The following ARSG variants were observed in gnomAD, a reference collection of about 807,000 sequenced individuals.
ARSG encodes arylsulfatase G.
Under a neutral mutation model 50.5 loss-of-function variants are expected in ARSG, and 37 were observed. The ratio of observed to expected loss-of-function variants is 0.73; its 90% confidence interval spans 0.56 to 0.96. ARSG has a LOEUF of 0.96. Among genes scored for constraint, ARSG ranks in the 50% least tolerant of loss-of-function variants. ARSG has a pLI of 0.00. For missense variants in ARSG, 629 were observed against 675.3 expected, an observed-to-expected ratio of 0.93 and a Z score of 0.76; for synonymous variants, 225 against 254.6, an observed-to-expected ratio of 0.88 and a Z score of 1.11.
intron 6 of ARSG, among the ~76,000 whole-genome samples, chr17:68,361,422 G>A (rs563593358): frequency 1.3e-5 from 2 of 152,188 alleles, no homozygotes; most frequent in Admixed American, 1.3e-4. Context: ...TCTAGAACTG[G>A]GAGACGTAAA....
chr17:68,430,175 A>T, the ARSG span: 1 of 1,606,268 alleles, frequency 6.2e-7, no homozygotes, highest in Admixed American at 1.7e-5. Flanking sequence ...GGAGTAATGC[A>T]CAGGCAACGA....
At chr17:68,402,040 T>C (rs866566033) in intron 11 of ARSG, among the ~76,000 whole-genome samples, 3 of 152,204 alleles carry the variant, frequency 2.0e-5, no homozygotes, top group African/African-American at 4.8e-5. Context: ...AGAACAAGTC[T>C]CCTCTTCCTT....
intron 11 of ARSG, among the ~76,000 whole-genome samples, chr17:68,417,744 T>TTTTTTTTG: frequency 8.9e-6 from 1 of 112,454 alleles, no homozygotes; most frequent in Non-Finnish European, 1.7e-5. Flanking sequence ...TTTTTTTTTT[T>TTTTTTTTG]TTTTTTTTTT....
At chr17:68,401,147 C>T (rs2081452886) in intron 10 of ARSG, 3 of 525,192 alleles carry the variant, frequency 5.7e-6, no homozygotes, top group Non-Finnish European at 1.0e-5. Flanking sequence ...CCTCAGCTTC[C>T]AAGTAGCTAG....
At chr17:68,356,190 A>G (rs529418103) in intron 5 of ARSG, among the ~76,000 whole-genome samples, 1 of 152,300 alleles carries the variant, frequency 6.6e-6, no homozygotes, top group Admixed American at 6.5e-5. Context: ...CCCATCTTAT[A>G]TATTCTGTCC....
At chr17:68,299,356 C>T (rs2076329138) in intron 1 of ARSG, among the ~76,000 whole-genome samples, 2 of 152,002 alleles carry the variant, frequency 1.3e-5, no homozygotes, top group African/African-American at 2.4e-5. Context: ...CTGCCCACCT[C>T]GGCCTCCCAA....
rs750956001 is a variant in ARSG at position 68,368,574 on chromosome 17, A to G, written c.731A>G (p.Tyr244Cys). Residue 244 changes from tyrosine to cysteine, a missense_variant, in exon 7 of 12, where the codon TAT becomes TGT. Physicochemically the swap from Tyr to Cys is radical, Grantham distance 194. Transcript: ENST00000621439. ...ASTSGRPFLL[Y>C]VALAHMHVPL... Reference sequence around the variant, plus strand: ...ACCAGCGGGAGGCCCTTCCTGCTCTATGTGGCTCTGGCCCACATGCACGTG... The same window carrying G: ...ACCAGCGGGAGGCCCTTCCTGCTCTGTGTGGCTCTGGCCCACATGCACGTG... The G allele has an allele frequency of 2.9e-5, 47 of 1,613,966 alleles. No homozygotes were observed. The highest frequency in any genetic ancestry group is 4.5e-5 in the East Asian group (2 of 44,894).
chr17:68,362,131 T>A (rs764009046), intron 6 of ARSG, among the ~76,000 whole-genome samples: 1 of 152,122 alleles, frequency 6.6e-6, no homozygotes, highest in African/African-American at 2.4e-5. Flanking sequence ...CATGAGCTCA[T>A]GCCTGGGATC....
intron 1 of ARSG, among the ~76,000 whole-genome samples, chr17:68,269,678 T>G (rs1426759466): frequency 2.1e-5 from 3 of 144,462 alleles, no homozygotes; most frequent in Non-Finnish European, 4.5e-5. Flanking sequence ...TTTAGGTTTT[T>G]TTTTTTTTTT....
At chr17:68,444,232 G>A in the ARSG span, among the ~76,000 whole-genome samples, 1 of 152,144 alleles carries the variant, frequency 6.6e-6, no homozygotes, top group Non-Finnish European at 1.5e-5. Flanking sequence ...TACGTGCCTT[G>A]ACACATTTGC....
intron 2 of ARSG, among the ~76,000 whole-genome samples, chr17:68,334,147 A>G (rs1165993083): frequency 1.3e-5 from 2 of 152,154 alleles, no homozygotes; most frequent in African/African-American, 4.8e-5. Context: ...TCATTCTGGC[A>G]GAAAGAGGGA....
chr17:68,367,337 C>A lies in ARSG; in HGVS notation c.705-1211C>A, dbSNP rs1198494942. ...GGGCACAGTTGGCTATAGAGCAAGG[C>A]TGTAAGGTGGTGTAAACCAGGGTGA... On this transcript the variant is annotated intron_variant, in intron 6 of 11. Coordinates refer to ENST00000621439, the MANE Select transcript of ARSG (RefSeq NM_001267727.2). This position sits in a 1 kb window ranked among gnomAD's most constrained non-coding sequence, Gnocchi z 4.5. Among the ~76,000 whole-genome samples the A allele has an allele frequency of 2.0e-5, 3 of 152,150 alleles. No homozygotes were observed. The highest frequency in any genetic ancestry group is 7.2e-5 in the African/African-American group (3 of 41,442).
intron 11 of ARSG, among the ~76,000 whole-genome samples, chr17:68,403,049 C>T (rs1012839713): frequency 6.6e-6 from 1 of 151,952 alleles, no homozygotes; most frequent in Non-Finnish European, 1.5e-5. Flanking sequence ...AATTATTTTC[C>T]CTGAGTGTAA....
At chr17:68,410,597 GTC>G (rs1470747101) in intron 11 of ARSG, among the ~76,000 whole-genome samples, 1 of 152,030 alleles carries the variant, frequency 6.6e-6, no homozygotes, top group Non-Finnish European at 1.5e-5. Context: ...TTTTGGTTGT[GTC>G]TCTGCCTGGC....
chr17:68,434,501 G>T, the ARSG span: 1 of 1,594,904 alleles, frequency 6.3e-7, no homozygotes, highest in South Asian at 1.1e-5. Flanking sequence ...GCTGCCAGCG[G>T]TCCCTGCGGG....
chr17:68,449,411 G>A, the ARSG span, among the ~76,000 whole-genome samples: 1 of 152,184 alleles, frequency 6.6e-6, no homozygotes, highest in Non-Finnish European at 1.5e-5. Context: ...GGATCCTTGA[G>A]CCCAGGAGTT....
At chr17:68,340,965 G>A (rs1481897213) in intron 2 of ARSG, among the ~76,000 whole-genome samples, 2 of 151,860 alleles carry the variant, frequency 1.3e-5, no homozygotes, top group South Asian at 4.2e-4. Context: ...CTTTTACCCT[G>A]GAAATCTCGG....
chr17:68,415,439 T>C (rs952367107), intron 11 of ARSG, among the ~76,000 whole-genome samples: 1 of 152,190 alleles, frequency 6.6e-6, no homozygotes, highest in Admixed American at 6.5e-5. Context: ...TGTGGCCTAT[T>C]GTATGGTCTG....
At chr17:68,315,910 G>C in intron 2 of ARSG, among the ~76,000 whole-genome samples, 1 of 152,082 alleles carries the variant, frequency 6.6e-6, no homozygotes, top group Non-Finnish European at 1.5e-5. Context: ...GGATTACAAA[G>C]TGCGTGGGTG....
Sources: allele counts gnomAD v4.1 joint callset (sites outside exome capture counted in the v4.1 genomes callset), GRCh38; gene constraint gnomAD v4.1.1; non-coding constraint Gnocchi (gnomAD v3.1); transcripts MANE v1.5; gene names NCBI Gene and HGNC (gene_info 2026-07-23, HGNC 2026-07-21).